Variants in LAMA1 observed in about 807,000 individuals in gnomAD.
The protein encoded by LAMA1 is laminin subunit alpha 1.
LAMA1 carries 219 observed loss-of-function variants against 348.7 expected under a neutral mutation model. That is an observed-to-expected ratio of 0.63 (90% CI 0.56 to 0.70). LAMA1 has a LOEUF of 0.70. Ranked by LOEUF, LAMA1 falls within the 30% of genes least tolerant of loss-of-function variation. The pLI is 0.00. For missense variants in LAMA1, 3,744 were observed against 3,888.0 expected, an observed-to-expected ratio of 0.96 and a Z score of 0.99; for synonymous variants, 1,487 against 1,491.0, an observed-to-expected ratio of 1.00 and a Z score of 0.06.
At chr18:6,997,613 C>A in intron 33 of LAMA1, 129 bp downstream of exon 33, 1 of 961,176 alleles carries the variant, frequency 1.0e-6, no homozygotes, top group Non-Finnish European at 1.7e-6. Flanking sequence ...GGACACCTGC[C>A]CGCAGGGGCT....
rs2057843807 is a variant in LAMA1, at chr18:7,008,535, A to AG, written c.4074_4075insC (p.Glu1360ArgfsTer31). ...CCAGGAGGACAGACACAATTCTCTA[A>AG]AAGAGATGCAACCTCTTCTTCTGGG... On this transcript the variant is annotated frameshift_variant, in exon 28 of 63. Coordinates refer to ENST00000389658, the MANE Select transcript of LAMA1 (RefSeq NM_005559.4). LOFTEE classifies it high-confidence loss of function. The AG allele has an allele frequency of 1.9e-6, 3 of 1,613,914 alleles. No individual in the cohort carries two copies. The highest frequency in any genetic ancestry group is 1.3e-5 in the African/African-American group (1 of 74,920).
chr18:7,075,623 CA>C (rs1292524054), intron 3 of LAMA1, among the ~76,000 whole-genome samples: 8 of 139,918 alleles, frequency 5.7e-5, no homozygotes, highest in Admixed American at 7.3e-5. Flanking sequence ...AACTCCGTCT[CA>C]AAAAAAAAAT....
At chr18:6,950,729 G>T in intron 58 of LAMA1, 53 bp downstream of exon 58, 1 of 1,590,318 alleles carries the variant, frequency 6.3e-7, no homozygotes, top group Non-Finnish European at 8.6e-7. Context: ...GAACCCGAGT[G>T]ATAGATGGAA....
chr18:7,006,463 G>A (rs2057832325), intron 29 of LAMA1, among the ~76,000 whole-genome samples: 1 of 152,094 alleles, frequency 6.6e-6, no homozygotes, highest in African/African-American at 2.4e-5. Context: ...ATTCCCACGT[G>A]AGCCCCCAAA....
chr18:6,969,903 T>C (rs899767965), intron 48 of LAMA1, among the ~76,000 whole-genome samples: 7 of 152,194 alleles, frequency 4.6e-5, no homozygotes, highest in African/African-American at 1.4e-4. Flanking sequence ...TTGACGTCAA[T>C]GATTTCAAAA....
At chr18:7,082,619 CA>C (rs1338149887) in intron 1 of LAMA1, among the ~76,000 whole-genome samples, 1 of 152,158 alleles carries the variant, frequency 6.6e-6, no homozygotes, top group Non-Finnish European at 1.5e-5. Flanking sequence ...CCATAATATT[CA>C]GGTATTCTGA....
At chr18:7,081,380 A>ATT (rs1199291978) in intron 1 of LAMA1, among the ~76,000 whole-genome samples, 1 of 152,140 alleles carries the variant, frequency 6.6e-6, no homozygotes, top group East Asian at 1.9e-4. Flanking sequence ...CTCTGGTAGT[A>ATT]TTTACAAGGT....
rs2057542981 is a variant in LAMA1 at position 6,950,831 on chromosome 18, C to T, written c.8348G>A (p.Arg2783Lys). ...LHFMFDLGKGRTKVSHPALLS... is the reference protein window; with the variant it reads ...LHFMFDLGKGKTKVSHPALLS... ...CAGTGCAGGGTGAGAGACCTTTGTTCTGCCTTTGCCAAGGTCAAACATGAA... is the reference window on the plus strand; with the variant it reads ...CAGTGCAGGGTGAGAGACCTTTGTTTTGCCTTTGCCAAGGTCAAACATGAA... The change falls in exon 58 of 63, where the codon AGA (arginine) becomes AAA (lysine). Residue 2783 changes from arginine to lysine, a missense_variant. This residue lies in a region of LAMA1 where 1,983 missense variants were observed against 1,934.3 expected (regional missense o/e 1.03). Transcript: ENST00000389658. The T allele has an allele frequency of 6.2e-7, 1 of 1,614,154 alleles. No homozygotes were observed. The highest frequency in any genetic ancestry group is 8.5e-7 in the Non-Finnish European group (1 of 1,180,024).
intron 29 of LAMA1, among the ~76,000 whole-genome samples, chr18:7,003,000 C>T (rs1408210076): frequency 2.6e-5 from 4 of 151,892 alleles, no homozygotes; most frequent in African/African-American, 4.8e-5. Flanking sequence ...CCTGCCTCAG[C>T]CTCTCGAGTA....
chr18:7,014,211 C>T (rs2057874894), intron 22 of LAMA1, among the ~76,000 whole-genome samples, 160 bp from the exon 23 acceptor site: 1 of 152,206 alleles, frequency 6.6e-6, no homozygotes, highest in African/African-American at 2.4e-5. Flanking sequence ...CATGTGCCAA[C>T]AGGAGACAGG....
intron 16 of LAMA1, among the ~76,000 whole-genome samples, chr18:7,030,866 C>T (rs1334722355): frequency 8.4e-6 from 1 of 119,064 alleles, no homozygotes; most frequent in Non-Finnish European, 1.7e-5. Flanking sequence ...TGGCAGGAGG[C>T]CTTGCAAACC....
Position 7,021,622 on chromosome 18 carries a change from T to C in LAMA1, c.2701+1542A>G, listed in dbSNP as rs1033849907. Among the ~76,000 whole-genome samples the C allele has an allele frequency of 3.6e-4, 55 of 151,606 alleles. 1 individual carries two copies. The highest frequency in any genetic ancestry group is 3.6e-3 in the Admixed American group (54 of 15,180). On this transcript the variant is annotated intron_variant, in intron 19 of 62. Coordinates refer to ENST00000389658, the MANE Select transcript of LAMA1 (RefSeq NM_005559.4). The stretch of plus-strand genomic sequence containing the variant: ...AATATTGCTTAATACTTTTAAAACC[T>C]GATCACATGACAAAATGCTTATTTT...
chr18:6,962,236 A>G (rs2057611622), intron 51 of LAMA1, among the ~76,000 whole-genome samples, 177 bp from the exon 52 acceptor site: 1 of 152,106 alleles, frequency 6.6e-6, no homozygotes, highest in Non-Finnish European at 1.5e-5. Context: ...AGCCAGGGCA[A>G]CATAGTGAGA....
intron 17 of LAMA1, 110 bp from the exon 18 acceptor site, chr18:7,024,576 A>T: frequency 1.1e-6 from 1 of 881,950 alleles, no homozygotes; most frequent in South Asian, 1.4e-5. Flanking sequence ...CTTCAATGAG[A>T]CCTCCTTAGC....
At chr18:7,056,313 G>C (rs2143737382) in intron 3 of LAMA1, among the ~76,000 whole-genome samples, 1 of 152,322 alleles carries the variant, frequency 6.6e-6, no homozygotes, top group East Asian at 1.9e-4. Flanking sequence ...ATTGGGGAGG[G>C]AGAGAAGGCA....
In LAMA1 at chr18:6,966,229, G is replaced by T; in HGVS notation, c.6968C>A (p.Pro2323Gln). The change falls in exon 49 of 63, where the codon CCG becomes CAG. Residue 2323 changes from proline (P) to glutamine (Q), a missense_variant. Coordinates refer to ENST00000389658, the MANE Select transcript of LAMA1 (RefSeq NM_005559.4). ...CATGATTATCTGGGTCACGGTAGCC[G>T]GAAGTGACTTCTCCACGACAGAGTA... ...SGYSVVEKSLPATVTQIIMLF... is the reference protein window; with the variant it reads ...SGYSVVEKSLQATVTQIIMLF... The T allele has an allele frequency of 6.2e-7, 1 of 1,613,876 alleles. No individual in the cohort carries two copies. Among genetic ancestry groups the T allele is most frequent in the Non-Finnish European group, 8.5e-7 (1 of 1,179,888 alleles).
chr18:7,078,225 G>T (rs1478006247), intron 3 of LAMA1, among the ~76,000 whole-genome samples: 1 of 150,084 alleles, frequency 6.7e-6, no homozygotes, highest in African/African-American at 2.5e-5. Flanking sequence ...GGAGTGCAGT[G>T]GTGTGATCTC....
intron 45 of LAMA1, 45 bp from the exon 46 acceptor site, chr18:6,975,081 G>A: frequency 1.2e-6 from 2 of 1,601,940 alleles, no homozygotes; most frequent in Middle Eastern, 3.3e-4. Flanking sequence ...ACACTGGACT[G>A]TTTGCTGACC....
chr18:7,085,239 G>C (rs2058209952), intron 1 of LAMA1, among the ~76,000 whole-genome samples: 1 of 151,770 alleles, frequency 6.6e-6, no homozygotes, highest in African/African-American at 2.4e-5. Flanking sequence ...TCTGGTGTTG[G>C]GAGTTTTTAT....
Sources: gnomAD v4.1 joint callset for allele counts (sites outside exome capture counted in the v4.1 genomes callset) on GRCh38, gnomAD v4.1.1 for gene constraint, gnomAD v4.1.1 regional missense constraint, MANE v1.5 for transcripts, NCBI Gene and HGNC (gene_info 2026-07-23, HGNC 2026-07-21) for gene names.